The following SYNPO2 variants were observed in gnomAD, a reference collection of about 807,000 sequenced individuals.
The protein encoded by SYNPO2 is synaptopodin-2.
Under a neutral mutation model 85.0 loss-of-function variants are expected in SYNPO2, and 56 were observed. That is an observed-to-expected ratio of 0.66 (90% CI 0.53 to 0.82). The LOEUF (loss-of-function observed/expected upper bound fraction) is 0.82. Among genes scored for constraint, SYNPO2 ranks in the 40% least tolerant of loss-of-function variants. SYNPO2 has a pLI of 0.00. For missense variants in SYNPO2, 1,575 were observed against 1,534.2 expected, an observed-to-expected ratio of 1.03 and a Z score of -0.44; for synonymous variants, 602 against 591.1, an observed-to-expected ratio of 1.02 and a Z score of -0.27.
At chr4:119,034,622 T>C in intron 4 of SYNPO2, 1 of 985,458 alleles carries the variant, frequency 1.0e-6, no homozygotes, top group Non-Finnish European at 1.2e-6. Context: ...AGTCCCACTT[T>C]ATAGAAGAGG....
chr4:118,959,415 T>TA, intron 1 of SYNPO2, among the ~76,000 whole-genome samples: 1 of 152,122 alleles, frequency 6.6e-6, no homozygotes, highest in East Asian at 1.9e-4. Flanking sequence ...TGGCACAAAA[T>TA]AAAAAAGGGC....
At chr4:118,882,660 AC>A (rs1377846202) in intron 1 of SYNPO2, among the ~76,000 whole-genome samples, 1 of 152,178 alleles carries the variant, frequency 6.6e-6, no homozygotes, top group Non-Finnish European at 1.5e-5. Context: ...TGAAAATGAA[AC>A]TTTTAATAGA....
At chr4:118,934,349 G>T (rs969801091) in intron 1 of SYNPO2, among the ~76,000 whole-genome samples, 1 of 152,062 alleles carries the variant, frequency 6.6e-6, no homozygotes, top group Non-Finnish European at 1.5e-5. Flanking sequence ...TTTCCTTGTT[G>T]CTGACTTCAT....
intron 1 of SYNPO2, among the ~76,000 whole-genome samples, chr4:118,859,300 G>T (rs1731567518): frequency 6.6e-6 from 1 of 151,798 alleles, no homozygotes; most frequent in African/African-American, 2.4e-5. Flanking sequence ...GTACATAATA[G>T]GTGTATATAT....
chr4:119,036,833 TAA>T, intron 4 of SYNPO2: 1 of 1,059,344 alleles, frequency 9.4e-7, no homozygotes, highest in Non-Finnish European at 1.1e-6. Flanking sequence ...GGCAATTGAA[TAA>T]AGAGAAATTT....
At chr4:119,034,733 A>G (rs1362010135) in intron 4 of SYNPO2, 2 of 985,490 alleles carry the variant, frequency 2.0e-6, no homozygotes, top group Non-Finnish European at 2.4e-6. Context: ...CTGGAGTAAG[A>G]GGAATTTGCT....
chr4:119,041,718 T>A (rs556755518), intron 4 of SYNPO2, among the ~76,000 whole-genome samples: 1 of 152,366 alleles, frequency 6.6e-6, no homozygotes, highest in South Asian at 2.1e-4. Flanking sequence ...AATGAACTAA[T>A]ATGATTTCCT....
intron 1 of SYNPO2, among the ~76,000 whole-genome samples, chr4:118,933,628 A>G (rs1733999884): frequency 6.6e-6 from 1 of 152,206 alleles, no homozygotes; most frequent in African/African-American, 2.4e-5. Context: ...TCAAAACCCA[A>G]ATTCTATAGA....
chr4:118,909,248 A>G (rs1365069465), intron 1 of SYNPO2, among the ~76,000 whole-genome samples: 1 of 152,246 alleles, frequency 6.6e-6, no homozygotes, highest in Non-Finnish European at 1.5e-5. Context: ...ACGGGGGATG[A>G]GAACTGACAT....
At chr4:118,963,619 C>A (rs1735188969) in intron 1 of SYNPO2, among the ~76,000 whole-genome samples, 1 of 152,136 alleles carries the variant, frequency 6.6e-6, no homozygotes, top group African/African-American at 2.4e-5. Flanking sequence ...CAGCTCACAT[C>A]TTTACATTTT....
chr4:118,987,646 A>G (rs1288930062), intron 1 of SYNPO2, among the ~76,000 whole-genome samples: 2 of 151,458 alleles, frequency 1.3e-5, no homozygotes, highest in Non-Finnish European at 1.5e-5. Context: ...CCCACATGAA[A>G]AAAAAAAAAA....
At chr4:118,853,801 G>C (rs1423284940) in intron 1 of SYNPO2, among the ~76,000 whole-genome samples, 1 of 152,078 alleles carries the variant, frequency 6.6e-6, no homozygotes, top group Admixed American at 6.6e-5. Flanking sequence ...GAAGCTGCCA[G>C]GCTACCAGGC....
At chr4:119,051,198 T>TTTG (rs1739030151) in intron 4 of SYNPO2, among the ~76,000 whole-genome samples, 1 of 138,962 alleles carries the variant, frequency 7.2e-6, no homozygotes, top group Non-Finnish European at 1.6e-5. Flanking sequence ...TTTTTTTTTT[T>TTTG]TTTTTTTTTG....
At chr4:118,873,517 T>C (rs1429173539) in intron 1 of SYNPO2, among the ~76,000 whole-genome samples, 1 of 152,204 alleles carries the variant, frequency 6.6e-6, no homozygotes, top group Non-Finnish European at 1.5e-5. Context: ...AAATGTCTAT[T>C]CATACCCTTT....
chr4:119,036,753 G>C (rs1738528256), intron 4 of SYNPO2: 1 of 990,330 alleles, frequency 1.0e-6, no homozygotes, highest in South Asian at 4.7e-5. Flanking sequence ...TTTAAAAACT[G>C]TATGTTTCTG....
intron 1 of SYNPO2, among the ~76,000 whole-genome samples, chr4:118,876,971 A>T (rs1036007317): frequency 4.8e-5 from 7 of 144,528 alleles, no homozygotes; most frequent in African/African-American, 1.0e-4. Context: ...ATCTAATTAA[A>T]TTTTTTTTTT....
At chr4:118,984,002 G>A (rs1167351915) in intron 1 of SYNPO2, among the ~76,000 whole-genome samples, 1 of 152,190 alleles carries the variant, frequency 6.6e-6, no homozygotes, top group East Asian at 1.9e-4. Context: ...ATGGGGAGCA[G>A]AGGATTATGA....
At chr4:119,025,034 G>T (rs1242376723) in intron 2 of SYNPO2, among the ~76,000 whole-genome samples, 1 of 152,160 alleles carries the variant, frequency 6.6e-6, no homozygotes, top group African/African-American at 2.4e-5. Context: ...TACCTATGTA[G>T]ACTGATGGGA....
intron 2 of SYNPO2, among the ~76,000 whole-genome samples, chr4:119,025,246 A>G (rs1737889602): frequency 6.6e-6 from 1 of 152,162 alleles, no homozygotes; most frequent in African/African-American, 2.4e-5. Flanking sequence ...AAGTGATTTA[A>G]TCTACTTCCA....
Sources: allele counts gnomAD v4.1 joint callset (sites outside exome capture counted in the v4.1 genomes callset), GRCh38; gene constraint gnomAD v4.1.1; transcripts MANE v1.5; gene names NCBI Gene and HGNC (gene_info 2026-07-23, HGNC 2026-07-21).